Variants in GRIK2 observed in about 807,000 individuals in gnomAD.
The protein encoded by GRIK2 is glutamate ionotropic receptor kainate type subunit 2.
A neutral mutation model predicts 100.3 loss-of-function variants in GRIK2; 32 were observed. The observed-to-expected ratio is 0.32, with a 90% CI of 0.24 to 0.43. The LOEUF (loss-of-function observed/expected upper bound fraction) is 0.43. Among genes scored for constraint, GRIK2 ranks in the 20% least tolerant of loss-of-function variants. GRIK2 has a pLI of 1.00. For synonymous variants in GRIK2, 417 were observed against 389.4 expected, an observed-to-expected ratio of 1.07 and a Z score of -0.83; for missense variants, 843 against 1,114.9, an observed-to-expected ratio of 0.76 and a Z score of 3.47.
intron 7 of GRIK2, among the ~76,000 whole-genome samples, chr6:101,704,981 ATATATTTATATATTATATTACATATATT>A (rs530630823): frequency 0.053 from 7,757 of 145,982 alleles, 278 homozygotes; most frequent in Non-Finnish European, 0.08. Context: ...TATTTATATT[ATATATTTATATATTATATTACATATATT>A]TATATTTATA....
At chr6:101,492,875 A>C (rs1312776598) in intron 2 of GRIK2, among the ~76,000 whole-genome samples, 1 of 152,030 alleles carries the variant, frequency 6.6e-6, no homozygotes, top group Non-Finnish European at 1.5e-5. Context: ...AAATATGTTT[A>C]TCATATTCCT....
intron 2 of GRIK2, among the ~76,000 whole-genome samples, chr6:101,492,067 G>A (rs1035511390): frequency 1.1e-4 from 16 of 151,778 alleles, no homozygotes; most frequent in Non-Finnish European, 1.9e-4. Flanking sequence ...ACTTAGTTAA[G>A]GTGGTAATTA....
intron 15 of GRIK2, among the ~76,000 whole-genome samples, chr6:102,038,649 AAAC>A (rs919473720): frequency 1.4e-5 from 2 of 138,210 alleles, no homozygotes; most frequent in African/African-American, 2.6e-5. Flanking sequence ...ACTTAATTAT[AAAC>A]AACAACAAAA....
chr6:101,955,598 CT>C (rs1791875006), intron 14 of GRIK2, among the ~76,000 whole-genome samples: 1 of 150,022 alleles, frequency 6.7e-6, no homozygotes, highest in Non-Finnish European at 1.5e-5. Context: ...CTCTCTCTCT[CT>C]CTCTCTCTCT....
intron 14 of GRIK2, among the ~76,000 whole-genome samples, chr6:101,998,701 T>C (rs1319699322): frequency 1.3e-5 from 2 of 152,112 alleles, no homozygotes; most frequent in East Asian, 1.9e-4. Context: ...TAATGTATAA[T>C]GTTACATGAC....
chr6:101,970,344 T>G (rs1792966621), intron 14 of GRIK2, among the ~76,000 whole-genome samples: 1 of 152,012 alleles, frequency 6.6e-6, no homozygotes, highest in African/African-American at 2.4e-5. Flanking sequence ...GGAAAGAATT[T>G]AGGCAGCCAG....
At chr6:101,672,351 G>A (rs1770503616) in intron 4 of GRIK2, among the ~76,000 whole-genome samples, 1 of 152,072 alleles carries the variant, frequency 6.6e-6, no homozygotes, top group Non-Finnish European at 1.5e-5. Context: ...CTCACACTCA[G>A]TGAAAGCACC....
intron 14 of GRIK2, among the ~76,000 whole-genome samples, chr6:101,955,811 A>G (rs1344730214): frequency 6.6e-6 from 1 of 151,926 alleles, no homozygotes; most frequent in African/African-American, 2.4e-5. Flanking sequence ...TCTTGCTAAA[A>G]GTTTGTAAGT....
Position 101,626,651 on chromosome 6 carries a change from G to A in GRIK2, c.541+14G>A. Reference sequence around the variant, plus strand: ...ATGACAGCACTGGTAAGAAAAATCAGTATCTTTTGGAGCTATGCTTTAAAT... The same window carrying A: ...ATGACAGCACTGGTAAGAAAAATCAATATCTTTTGGAGCTATGCTTTAAAT... On this transcript the variant is annotated intron_variant, in intron 4 of 16. Coordinates refer to ENST00000369134, the MANE Select transcript of GRIK2 (RefSeq NM_021956.5). 3.1e-6 allele frequency: 5 copies of A among 1,609,076 alleles called. No homozygotes were observed. Among genetic ancestry groups the A allele is most frequent in the Non-Finnish European group, 4.3e-6 (5 of 1,176,134 alleles).
chr6:101,659,239 A>G (rs2786246), intron 4 of GRIK2, among the ~76,000 whole-genome samples: 111,696 of 152,122 alleles, frequency 0.73, 42,191 homozygotes, highest in Non-Finnish European at 0.83. Flanking sequence ...ATGACCAGCC[A>G]GTTTTCCCAA....
chr6:101,517,017 G>A (rs147247795), intron 2 of GRIK2, among the ~76,000 whole-genome samples: 2,353 of 152,178 alleles, frequency 0.015, 25 homozygotes, highest in Non-Finnish European at 0.025. Context: ...ATAGGCAATA[G>A]TCTATTGCCT....
intron 2 of GRIK2, among the ~76,000 whole-genome samples, chr6:101,429,794 T>C (rs1040162033): frequency 6.6e-6 from 1 of 152,158 alleles, no homozygotes; most frequent in African/African-American, 2.4e-5. Context: ...CCAAAATTTG[T>C]TGTCATTTCT....
At chr6:101,541,219 T>G (rs1775966679) in intron 2 of GRIK2, among the ~76,000 whole-genome samples, 1 of 151,812 alleles carries the variant, frequency 6.6e-6, no homozygotes, top group African/African-American at 2.4e-5. Flanking sequence ...AGGAAGTTGG[T>G]AGGAGAGGAG....
Position 102,008,194 on chromosome 6 carries a change from T to C in GRIK2, c.2086-27147T>C, listed in dbSNP as rs1383729424. On this transcript the variant is annotated intron_variant, in intron 14 of 16. Transcript: ENST00000369134. ...TTGGTCTGTGACTTTAAAGCTTCAG[T>C]GTACAAATAGAAAGGAACAACTTGA... Among the ~76,000 whole-genome samples the C allele has an allele frequency of 2.0e-5, 3 of 151,890 alleles. No homozygotes were observed. In the East Asian group the frequency reaches 5.8e-4, roughly 29 times the overall value.
chr6:101,765,690 T>C (rs1488985992), intron 7 of GRIK2, among the ~76,000 whole-genome samples: 7 of 152,176 alleles, frequency 4.6e-5, no homozygotes, highest in Admixed American at 3.9e-4. Context: ...TGTTTTCTTA[T>C]GAAACCAATG....
intron 2 of GRIK2, among the ~76,000 whole-genome samples, chr6:101,602,245 C>A (rs548018366): frequency 1.3e-5 from 2 of 151,266 alleles, no homozygotes; most frequent in Admixed American, 6.6e-5. Context: ...TTTGGGAGAT[C>A]TTTTTGGTGT....
intron 10 of GRIK2, among the ~76,000 whole-genome samples, chr6:101,827,427 A>G (rs1782404802): frequency 6.6e-6 from 1 of 151,928 alleles, no homozygotes; most frequent in Non-Finnish European, 1.5e-5. Flanking sequence ...TAAGCCTGGC[A>G]TACTATTTGT....
intron 15 of GRIK2, among the ~76,000 whole-genome samples, chr6:102,054,833 A>T (rs1220517839): frequency 2.0e-5 from 3 of 152,118 alleles, no homozygotes; most frequent in African/African-American, 7.2e-5. Flanking sequence ...GTGACTGCCC[A>T]TTATCTGCTA....
intron 9 of GRIK2, among the ~76,000 whole-genome samples, chr6:101,808,322 TG>T (rs1781128462): frequency 6.6e-6 from 1 of 152,102 alleles, no homozygotes; most frequent in East Asian, 1.9e-4. Context: ...AAGCCATTTT[TG>T]GGAAAACAAC....
Sources: allele counts gnomAD v4.1 joint callset (sites outside exome capture counted in the v4.1 genomes callset), GRCh38; gene constraint gnomAD v4.1.1; transcripts MANE v1.5; gene names NCBI Gene and HGNC (gene_info 2026-07-23, HGNC 2026-07-21).